The following AFG2A variants were observed in gnomAD, a reference collection of about 807,000 sequenced individuals.
The protein encoded by AFG2A is AAA ATPase AFG2A, also known as ATPase family gene 2 protein homolog A.
At chr4:122,992,482 C>A in the AFG2A span, among the ~76,000 whole-genome samples, 22 of 152,178 alleles carry the variant, frequency 1.4e-4, no homozygotes, top group Non-Finnish European at 2.9e-4. Flanking sequence ...CTGGCAATTA[C>A]ATCTACAAAA....
At chr4:122,930,353 A>G in the AFG2A span, among the ~76,000 whole-genome samples, 1 of 152,178 alleles carries the variant, frequency 6.6e-6, no homozygotes, top group Non-Finnish European at 1.5e-5. Context: ...ATGTCACCTT[A>G]GTAATAGTTT....
At chr4:123,159,858 A>G in the AFG2A span, among the ~76,000 whole-genome samples, 44 of 152,326 alleles carry the variant, frequency 2.9e-4, no homozygotes, top group African/African-American at 9.9e-4. Flanking sequence ...CTCTCCTAGA[A>G]TTTAGAAGAG....
the AFG2A span, among the ~76,000 whole-genome samples, chr4:123,060,370 C>A: frequency 6.6e-6 from 1 of 152,246 alleles, no homozygotes; most frequent in Non-Finnish European, 1.5e-5. Flanking sequence ...CTCATAAGGG[C>A]CCTGCCCCTG....
At chr4:123,256,016 G>A in the AFG2A span, 2 of 1,613,844 alleles carry the variant, frequency 1.2e-6, no homozygotes, top group Non-Finnish European at 1.7e-6. Context: ...TTCTTTATAG[G>A]CTTTGATGCG....
chr4:123,207,285 C>CTTTTTTTTT, the AFG2A span, among the ~76,000 whole-genome samples: 1 of 108,486 alleles, frequency 9.2e-6, no homozygotes, highest in South Asian at 3.1e-4. Context: ...GTTGTGTTTC[C>CTTTTTTTTT]TTTTTTTTTT....
the AFG2A span, among the ~76,000 whole-genome samples, chr4:123,107,280 C>A: frequency 6.6e-6 from 1 of 152,190 alleles, no homozygotes; most frequent in African/African-American, 2.4e-5. Context: ...GTCCTGAGTT[C>A]TTGTCCCGTG....
the AFG2A span, among the ~76,000 whole-genome samples, chr4:123,088,604 G>A: frequency 1.2e-3 from 186 of 152,292 alleles, 2 homozygotes; most frequent in Non-Finnish European, 5.4e-4. Context: ...GAGACTCCTG[G>A]TGGGAGGTGA....
chr4:123,090,851 G>T, the AFG2A span: 2 of 1,125,434 alleles, frequency 1.8e-6, no homozygotes, highest in Non-Finnish European at 2.5e-6. Context: ...CTGTGGACTG[G>T]TTACCATCTT....
At chr4:123,023,176 A>C in the AFG2A span, among the ~76,000 whole-genome samples, 1 of 151,862 alleles carries the variant, frequency 6.6e-6, no homozygotes, top group Non-Finnish European at 1.5e-5. Context: ...CCTAAAACTT[A>C]AAGTATAATA....
chr4:123,164,630 A>G, the AFG2A span, among the ~76,000 whole-genome samples: 3 of 152,218 alleles, frequency 2.0e-5, no homozygotes, highest in East Asian at 5.8e-4. Context: ...TTGTATAATT[A>G]TCTAATTAAG....
At chr4:123,106,130 T>C in the AFG2A span, among the ~76,000 whole-genome samples, 1 of 152,208 alleles carries the variant, frequency 6.6e-6, no homozygotes, top group African/African-American at 2.4e-5. Context: ...ATCAGTTAGC[T>C]GTCATCAACA....
chr4:123,225,392 G>T, the AFG2A span, among the ~76,000 whole-genome samples: 1 of 152,138 alleles, frequency 6.6e-6, no homozygotes, highest in Non-Finnish European at 1.5e-5. Context: ...TTTGTATAAG[G>T]TGTAAGGAAG....
chr4:122,961,051 C>T, the AFG2A span, among the ~76,000 whole-genome samples: 1 of 152,154 alleles, frequency 6.6e-6, no homozygotes, highest in African/African-American at 2.4e-5. Context: ...TATACTTTAT[C>T]AGCTGATAAA....
the AFG2A span, among the ~76,000 whole-genome samples, chr4:122,982,953 C>T: frequency 1.5e-4 from 22 of 148,930 alleles, no homozygotes; most frequent in African/African-American, 4.2e-4. Flanking sequence ...CGGCAACCTC[C>T]GCCTCCTGGG....
chr4:123,024,461 A>C, the AFG2A span, among the ~76,000 whole-genome samples: 1 of 152,166 alleles, frequency 6.6e-6, no homozygotes, highest in Non-Finnish European at 1.5e-5. Flanking sequence ...AACCAAAAGG[A>C]AAGGTGGTGT....
the AFG2A span, among the ~76,000 whole-genome samples, chr4:123,172,927 G>A: frequency 3.3e-5 from 5 of 152,252 alleles, no homozygotes; most frequent in African/African-American, 9.6e-5. Flanking sequence ...AGAACTGGTT[G>A]TTCAAAACCT....
chr4:123,157,313 C>T, the AFG2A span, among the ~76,000 whole-genome samples: 10 of 151,980 alleles, frequency 6.6e-5, no homozygotes, highest in Admixed American at 3.3e-4. Flanking sequence ...TGTGAGCCAC[C>T]GCACCCAGCC....
At chr4:123,199,955 A>G in the AFG2A span, among the ~76,000 whole-genome samples, 3 of 152,184 alleles carry the variant, frequency 2.0e-5, no homozygotes, top group Non-Finnish European at 4.4e-5. Flanking sequence ...TCAGATATAC[A>G]TATGTATGTA....
chr4:123,261,473 C>T, the AFG2A span, among the ~76,000 whole-genome samples: 1 of 152,120 alleles, frequency 6.6e-6, no homozygotes, highest in Non-Finnish European at 1.5e-5. Context: ...ATAGCATTTA[C>T]ATTATGTCAG....
Sources: gnomAD v4.1 joint callset for allele counts (sites outside exome capture counted in the v4.1 genomes callset) on GRCh38, gnomAD v4.1.1 for gene constraint, MANE v1.5 for transcripts, NCBI Gene and HGNC (gene_info 2026-07-23, HGNC 2026-07-21) for gene names.